The following CACNA1A variants were observed in gnomAD, a reference collection of about 807,000 sequenced individuals.
CACNA1A encodes voltage-dependent P/Q-type calcium channel subunit alpha-1A.
A neutral mutation model predicts 262.4 loss-of-function variants in CACNA1A; 57 were observed. That is an observed-to-expected ratio of 0.22 (90% CI 0.18 to 0.27). CACNA1A has a LOEUF of 0.27. Ranked by LOEUF, CACNA1A falls within the 10% of genes least tolerant of loss-of-function variation. The probability of loss-of-function intolerance (pLI) is 1.00; values close to 1 mark genes in which losing one functional copy is unlikely to be tolerated. For missense variants in CACNA1A, 2,526 were observed against 3,562.8 expected, an observed-to-expected ratio of 0.71 and a Z score of 7.41; for synonymous variants, 1,431 against 1,419.3, an observed-to-expected ratio of 1.01 and a Z score of -0.18.
chr19:13,247,566 GGT>G (rs1183843036), intron 30 of CACNA1A, among the ~76,000 whole-genome samples: 1 of 152,042 alleles, frequency 6.6e-6, no homozygotes, highest in East Asian at 1.9e-4. Context: ...CAGGCGTGGT[GGT>G]GCGCGCCTGT....
At chr19:13,311,045 C>T (rs1358186485) in intron 12 of CACNA1A, among the ~76,000 whole-genome samples, 5 of 152,008 alleles carry the variant, frequency 3.3e-5, no homozygotes, top group South Asian at 2.1e-4. Context: ...CACCTGCCTC[C>T]GCCTCTCAAA....
At chr19:13,329,865 G>C (rs4926148) in intron 10 of CACNA1A, among the ~76,000 whole-genome samples, 13,441 of 151,062 alleles carry the variant, frequency 0.089, 918 homozygotes, top group East Asian at 0.37. Context: ...AGGCTCAAGT[G>C]ATCCTCCCAG....
intron 5 of CACNA1A, 62 bp downstream of exon 5, chr19:13,365,255 C>A: frequency 6.8e-7 from 1 of 1,465,602 alleles, no homozygotes. Flanking sequence ...CTGCCTAATC[C>A]TCCCAAGAGC....
intron 1 of CACNA1A, among the ~76,000 whole-genome samples, chr19:13,461,067 C>T (rs575730856): frequency 7.3e-4 from 111 of 152,202 alleles, no homozygotes; most frequent in African/African-American, 1.9e-3. Flanking sequence ...GGGCCTGGTG[C>T]GGTGGCTCAC....
intron 24 of CACNA1A, among the ~76,000 whole-genome samples, chr19:13,268,810 C>T (rs1221877692): frequency 6.6e-6 from 1 of 151,786 alleles, no homozygotes; most frequent in African/African-American, 2.4e-5. Flanking sequence ...ACCCCCTCAT[C>T]TCCTTTTCCT....
At chr19:13,483,206 A>G (rs1979563911) in intron 1 of CACNA1A, among the ~76,000 whole-genome samples, 1 of 152,078 alleles carries the variant, frequency 6.6e-6, no homozygotes, top group East Asian at 1.9e-4. Context: ...TTCTGATCTT[A>G]GGGGATGGTG....
intron 6 of CACNA1A, among the ~76,000 whole-genome samples, chr19:13,341,387 TTC>T (rs1429129502): frequency 6.6e-6 from 1 of 152,086 alleles, no homozygotes; most frequent in Non-Finnish European, 1.5e-5. Flanking sequence ...ATAAATAAAT[TTC>T]TGTTGTTTTC....
chr19:13,265,499 CT>C (rs957682240), intron 24 of CACNA1A, among the ~76,000 whole-genome samples: 3 of 151,862 alleles, frequency 2.0e-5, no homozygotes, highest in African/African-American at 4.8e-5. Context: ...AACTCTGAAC[CT>C]TTTTTTTTCT....
intron 3 of CACNA1A, among the ~76,000 whole-genome samples, chr19:13,446,544 T>C (rs1290568599): frequency 6.7e-6 from 1 of 148,248 alleles, no homozygotes; most frequent in East Asian, 2.0e-4. Flanking sequence ...TGGATTCAAG[T>C]GATTCTGCTG....
At chr19:13,489,330 G>T (rs1338615816) in intron 1 of CACNA1A, among the ~76,000 whole-genome samples, 1 of 151,910 alleles carries the variant, frequency 6.6e-6, no homozygotes, top group Non-Finnish European at 1.5e-5. Context: ...TTCTAAAATT[G>T]CAATAGCCAT....
intron 6 of CACNA1A, among the ~76,000 whole-genome samples, chr19:13,357,326 G>A (rs1208915439): frequency 6.6e-6 from 1 of 152,196 alleles, no homozygotes; most frequent in African/African-American, 2.4e-5. Flanking sequence ...AGGCATAAAT[G>A]GGTTGTTAAG....
chr19:13,220,264 GAA>G (rs56246005), intron 38 of CACNA1A, among the ~76,000 whole-genome samples: 27 of 149,304 alleles, frequency 1.8e-4, no homozygotes, highest in South Asian at 6.3e-4. Context: ...TCTGTCTCAA[GAA>G]AAAAAAAAAA....
rs764437679 is a variant in CACNA1A, at chr19:13,283,381, G to A, written c.3708C>T (p.Cys1236=). 5 of 1,613,976 alleles carry A rather than the reference G, an allele frequency of 3.1e-6. No individual in the cohort carries two copies. The South Asian group carries it at 3.3e-5, about 11-fold the overall frequency. The change falls in exon 22 of 47, where the codon TGC becomes TGT. Residue 1236 remains cysteine, a synonymous_variant. Transcript: ENST00000360228. The part of the protein sequence containing the change: ...LSTTNPLRRL[C]HYILNLRYFE... Reference sequence around the variant, plus strand: ...AGTAGCGCAGGTTCAGGATGTAATGGCACAGGCGGCGAAGGCTGTTGGAGA... The same window carrying A: ...AGTAGCGCAGGTTCAGGATGTAATGACACAGGCGGCGAAGGCTGTTGGAGA...
At chr19:13,310,249 A>C (rs2057992154) in intron 12 of CACNA1A, among the ~76,000 whole-genome samples, 1 of 151,470 alleles carries the variant, frequency 6.6e-6, no homozygotes, top group East Asian at 1.9e-4. Context: ...TGAGATCAGG[A>C]TTTCGAGACC....
intron 38 of CACNA1A, among the ~76,000 whole-genome samples, 168 bp downstream of exon 38, chr19:13,224,499 A>AC (rs1568435790): frequency 2.0e-5 from 3 of 151,880 alleles, no homozygotes; most frequent in African/African-American, 7.2e-5. Flanking sequence ...AAAAAAAAAA[A>AC]AAAAAACACC....
rs761355903 is a variant in CACNA1A at position 13,206,580 on chromosome 19, C to T, written c.*733G>A. On this transcript the variant is annotated 3_prime_UTR_variant, in exon 47 of 47. Transcript: ENST00000360228. ...GAATCGGTGGTGATGGTGGGTTTTT[C>T]TTCTTCTTTTGTTGTTTCAAGCAGG... 2.0e-5 allele frequency: 3 copies of T among 153,674 alleles called. No individual in the cohort carries two copies. Among genetic ancestry groups the T allele is most frequent in the African/African-American group, 4.8e-5 (2 of 41,348 alleles). 9.5% of individuals were successfully genotyped at this position (153,674 alleles called of 1,614,324 possible).
chr19:13,359,009 C>T (rs1412451879), intron 6 of CACNA1A, among the ~76,000 whole-genome samples: 2 of 152,216 alleles, frequency 1.3e-5, no homozygotes, highest in South Asian at 4.1e-4. Context: ...TTTGTGTTAA[C>T]AGCCACCCCT....
Position 13,298,653 on chromosome 19 carries a change from C to A in CACNA1A, c.2980G>T (p.Glu994Ter), listed in dbSNP as rs1600271575. The A allele has an allele frequency of 6.7e-7, 1 of 1,500,698 alleles. No individual in the cohort carries two copies. The highest frequency in any genetic ancestry group is 8.9e-7 in the Non-Finnish European group (1 of 1,124,986). The allele number at this position is 1,500,698 out of a possible 1,614,324, so 93.0% of individuals were successfully genotyped here. A position where few individuals can be genotyped will look rare whatever the true frequency, so the allele number is the denominator to read the frequency against. ...CTGCGCTCGCCCCCGTCGGGGCCCT[C>A]GCCCTCGCCCTCGCCGCCCCGGGCC... Reference protein sequence around the residue: ...RPARGGEGEGEGPDGGERRRR... With the variant: ...RPARGGEGEG Residue 994 changes from glutamate (E) to a stop codon, truncating the protein, a stop_gained, in exon 19 of 47, where the codon GAG becomes TAG. Coordinates refer to ENST00000360228, the MANE Select transcript of CACNA1A (RefSeq NM_001127222.2). LOFTEE classifies it high-confidence loss of function.
chr19:13,466,778 G>A (rs1185607195), intron 1 of CACNA1A, among the ~76,000 whole-genome samples: 1 of 152,080 alleles, frequency 6.6e-6, no homozygotes. Context: ...ATTCCGTGAT[G>A]TGAAATTGCT....
Sources: gnomAD v4.1 joint callset for allele counts (sites outside exome capture counted in the v4.1 genomes callset) on GRCh38, gnomAD v4.1.1 for gene constraint, MANE v1.5 for transcripts, NCBI Gene and HGNC (gene_info 2026-07-23, HGNC 2026-07-21) for gene names.